Variants in CDH12 observed in about 807,000 individuals in gnomAD.
CDH12 encodes cadherin-12.
Under a neutral mutation model 74.1 loss-of-function variants are expected in CDH12, and 41 were observed. The ratio of observed to expected loss-of-function variants is 0.55; its 90% CI spans 0.43 to 0.72. The LOEUF (loss-of-function observed/expected upper bound fraction) is 0.72. Ranked by LOEUF, CDH12 falls within the 30% of genes least tolerant of loss-of-function variation. CDH12 has a pLI of 0.00. For synonymous variants in CDH12, 399 were observed against 355.0 expected, an observed-to-expected ratio of 1.12 and a Z score of -1.39; for missense variants, 945 against 977.2, an observed-to-expected ratio of 0.97 and a Z score of 0.44.
intron 13 of CDH12, among the ~76,000 whole-genome samples, chr5:21,756,046 T>C (rs1462505550): frequency 2.0e-5 from 3 of 152,154 alleles, no homozygotes; most frequent in Non-Finnish European, 4.4e-5. Context: ...TCTTGTCTGA[T>C]AGAAGAATTA....
At position 22,374,240 on chromosome 5, in the gene CDH12, A is replaced by C. The variant is rs111328483; in HGVS notation, c.-333+31017T>G. ...GATCACCTCAATAGATCTAGAAAAA[A>C]ATGGAAAAAAAATCAATATCCCTTC... is the stretch of plus-strand genomic sequence containing the variant. On this transcript the variant is annotated intron_variant, in intron 3 of 14. Transcript: ENST00000382254. Among the ~76,000 whole-genome samples the C allele has an allele frequency of 3.1e-3, 469 of 152,292 alleles. 6 individuals are homozygous for C. Among genetic ancestry groups the C allele is most frequent in the African/African-American group, 0.011 (452 of 41,570 alleles).
intron 3 of CDH12, among the ~76,000 whole-genome samples, chr5:22,271,777 T>C (rs1736410886): frequency 1.4e-5 from 2 of 145,368 alleles, no homozygotes; most frequent in Non-Finnish European, 3.0e-5. Context: ...TGAGCAGTAA[T>C]ATTTTGAAAT....
At chr5:22,346,224 AT>A (rs1340436335) in intron 3 of CDH12, among the ~76,000 whole-genome samples, 1 of 152,122 alleles carries the variant, frequency 6.6e-6, no homozygotes, top group Non-Finnish European at 1.5e-5. Context: ...AAAAGGTGTC[AT>A]TCTAGAAATT....
chr5:22,610,043 T>A (rs187749787), intron 1 of CDH12, among the ~76,000 whole-genome samples: 20 of 152,380 alleles, frequency 1.3e-4, no homozygotes, highest in African/African-American at 4.8e-4. Context: ...ATTGCTAAAC[T>A]ACAACTGCAA....
chr5:22,819,344 A>G (rs1451413736), intron 1 of CDH12, among the ~76,000 whole-genome samples: 1 of 152,124 alleles, frequency 6.6e-6, no homozygotes, highest in Non-Finnish European at 1.5e-5. Context: ...GTCTTGAGAC[A>G]TGAAGCTAAG....
At chr5:21,767,649 TA>T (rs564559223) in intron 11 of CDH12, among the ~76,000 whole-genome samples, 7 of 151,600 alleles carry the variant, frequency 4.6e-5, no homozygotes, top group Non-Finnish European at 7.4e-5. Context: ...CAATACAAAA[TA>T]AGTGTTCAAA....
chr5:22,124,352 T>C (rs1257836452), intron 4 of CDH12, among the ~76,000 whole-genome samples: 1 of 152,010 alleles, frequency 6.6e-6, no homozygotes, highest in South Asian at 2.1e-4. Context: ...CTCAAAGTGC[T>C]GATCTCAGTG....
intron 3 of CDH12, among the ~76,000 whole-genome samples, chr5:22,221,790 T>G (rs1274530199): frequency 6.6e-6 from 1 of 151,968 alleles, no homozygotes; most frequent in Admixed American, 6.6e-5. Flanking sequence ...GTCACTCATT[T>G]GATCAAAAGA....
At chr5:22,841,589 G>A (rs189946708) in intron 1 of CDH12, among the ~76,000 whole-genome samples, 3 of 152,186 alleles carry the variant, frequency 2.0e-5, no homozygotes, top group East Asian at 3.9e-4. Context: ...CTCTAAGGGC[G>A]TGGGTGTAGA....
At position 21,808,387 on chromosome 5, in the gene CDH12, A is replaced by G. The variant is rs375175208; in HGVS notation, c.1003-5967T>C. Among the ~76,000 whole-genome samples the G allele has an allele frequency of 2.1e-4, 32 of 151,916 alleles. No individual in the cohort carries two copies. In the East Asian group the frequency reaches 6.0e-3, roughly 28 times the overall value. Reference sequence around the variant, plus strand: ...ATAGTAAGCCTATATTATTTTTACCAACACAGTAAAGCCATCACTTTTAGG... The same window carrying G: ...ATAGTAAGCCTATATTATTTTTACCGACACAGTAAAGCCATCACTTTTAGG... On this transcript the variant is annotated intron_variant, in intron 9 of 14. Coordinates refer to ENST00000382254, the MANE Select transcript of CDH12 (RefSeq NM_004061.5).
At chr5:21,815,083 G>T (rs1747970638) in intron 9 of CDH12, among the ~76,000 whole-genome samples, 1 of 151,924 alleles carries the variant, frequency 6.6e-6, no homozygotes, top group South Asian at 2.1e-4. Flanking sequence ...CACAATAGTA[G>T]AAATAAAAAT....
At chr5:22,483,749 T>TAC (rs1746474341) in intron 2 of CDH12, among the ~76,000 whole-genome samples, 1 of 52,464 alleles carries the variant, frequency 1.9e-5, no homozygotes, top group African/African-American at 8.2e-5. Flanking sequence ...CTTTCAAAAC[T>TAC]ATATATATAT....
At chr5:22,571,809 C>T (rs1276846091) in intron 1 of CDH12, among the ~76,000 whole-genome samples, 2 of 152,128 alleles carry the variant, frequency 1.3e-5, no homozygotes, top group Non-Finnish European at 2.9e-5. Flanking sequence ...GCAATCGGAA[C>T]ACATAACATT....
At chr5:21,997,392 C>T (rs10214370) in intron 5 of CDH12, among the ~76,000 whole-genome samples, 24,925 of 152,008 alleles carry the variant, frequency 0.16, 2,324 homozygotes, top group African/African-American at 0.25. Flanking sequence ...CATCTTTTAT[C>T]ACATGTTATA....
chr5:22,093,885 T>G (rs896173869), intron 4 of CDH12, among the ~76,000 whole-genome samples: 1 of 152,182 alleles, frequency 6.6e-6, no homozygotes, highest in African/African-American at 2.4e-5. Flanking sequence ...TGAAGCAAAT[T>G]AAATCAAACA....
At chr5:22,393,670 A>G (rs1436772219) in intron 3 of CDH12, among the ~76,000 whole-genome samples, 1 of 152,210 alleles carries the variant, frequency 6.6e-6, no homozygotes, top group African/African-American at 2.4e-5. Flanking sequence ...TATGAATGTC[A>G]GGTTAATTCT....
chr5:21,956,341 A>G (rs577971659), intron 6 of CDH12, among the ~76,000 whole-genome samples: 3 of 152,162 alleles, frequency 2.0e-5, no homozygotes, highest in Admixed American at 6.5e-5. Flanking sequence ...TATTAAAATT[A>G]ATAAACTGGA....
intron 1 of CDH12, among the ~76,000 whole-genome samples, chr5:22,740,738 G>C (rs1744988295): frequency 6.6e-6 from 1 of 152,044 alleles, no homozygotes; most frequent in Admixed American, 6.6e-5. Flanking sequence ...CCCTGAACTT[G>C]TGTTGGGGAA....
intron 8 of CDH12, among the ~76,000 whole-genome samples, chr5:21,819,354 G>T (rs1748235636): frequency 6.6e-6 from 1 of 151,912 alleles, no homozygotes; most frequent in Non-Finnish European, 1.5e-5. Context: ...CTAAACTTAA[G>T]GACAAATTCC....
Sources: gnomAD v4.1 joint callset for allele counts (sites outside exome capture counted in the v4.1 genomes callset) on GRCh38, gnomAD v4.1.1 for gene constraint, MANE v1.5 for transcripts, NCBI Gene and HGNC (gene_info 2026-07-23, HGNC 2026-07-21) for gene names.